The following TGFBI variants were observed in gnomAD, a reference collection of about 807,000 sequenced individuals.
The protein encoded by TGFBI is transforming growth factor-beta-induced protein ig-h3.
In TGFBI, 50 loss-of-function variants were observed where a neutral mutation model predicts 73.7. The ratio of observed to expected loss-of-function variants is 0.68; its 90% CI spans 0.54 to 0.86. The LOEUF is 0.86. Among genes scored for constraint, TGFBI ranks in the 40% least tolerant of loss-of-function variants. The probability of loss-of-function intolerance (pLI) is 0.00; values close to 1 mark genes in which losing one functional copy is unlikely to be tolerated. For missense variants in TGFBI, 839 were observed against 877.0 expected (o/e 0.96, Z 0.55); for synonymous variants, 362 against 360.5 (o/e 1.00, Z -0.05).
rs1198593795 is a variant in TGFBI, at chr5:136,053,050, T to A, written c.1057T>A (p.Ser353Thr). 2.5e-6 allele frequency: 4 copies of A among 1,614,030 alleles called. No homozygotes were observed. Among genetic ancestry groups the A allele is most frequent in the Non-Finnish European group, 1.7e-6 (2 of 1,179,902 alleles). Residue 353 changes from serine to threonine, a missense_variant, in exon 8 of 17, where the codon TCC becomes ACC. Coordinates refer to ENST00000442011, the MANE Select transcript of TGFBI (RefSeq NM_000358.3). ...CACTATCAACGGGAAGGCGATCATCTCCAATAAAGACATCCTAGCCACCAA... is the reference window on the plus strand; with the variant it reads ...CACTATCAACGGGAAGGCGATCATCACCAATAAAGACATCCTAGCCACCAA... ...MLTINGKAIISNKDILATNGV... is the reference protein window; with the variant it reads ...MLTINGKAIITNKDILATNGV...
In TGFBI at chr5:136,050,308, G is replaced by A. The variant is rs45492701; in HGVS notation, c.913+728G>A. On this transcript the variant is annotated intron_variant, in intron 7 of 16. Transcript: ENST00000442011. ...GCTTGCACCACTGCACTCCAGCCTG[G>A]GTGACACAGCGACACTCCGTCTCAA... 2.9e-3 allele frequency among the ~76,000 whole-genome samples: 431 copies of A among 150,610 alleles called. 1 individual carries two copies. Among genetic ancestry groups the A allele is most frequent in the Non-Finnish European group, 5.5e-3 (371 of 67,736 alleles).
chr5:136,053,215 C>T (rs190796449), intron 8 of TGFBI, 96 bp downstream of exon 8: 13 of 1,202,090 alleles, frequency 1.1e-5, no homozygotes, highest in African/African-American at 4.5e-5. Context: ...GATCTTTGGG[C>T]GACTTCCCTG....
intron 11 of TGFBI, 62 bp downstream of exon 11, chr5:136,055,878 GGCCCCA>G: frequency 6.6e-7 from 1 of 1,511,312 alleles, no homozygotes; most frequent in Non-Finnish European, 8.9e-7. Flanking sequence ...TGGGATGTGG[GGCCCCA>G]GCTATTTGTC....
chr5:136,029,253 C>A, intron 1 of TGFBI, 64 bp downstream of exon 1: 1 of 1,401,706 alleles, frequency 7.1e-7, no homozygotes. Context: ...GAGCGCAAGC[C>A]GCTGGGGGCA....
intron 1 of TGFBI, among the ~76,000 whole-genome samples, chr5:136,031,702 T>C (rs1049898889): frequency 2.6e-5 from 4 of 152,186 alleles, no homozygotes; most frequent in African/African-American, 9.7e-5. Context: ...CACCAAAAAC[T>C]GAACTGAATT....
intron 1 of TGFBI, among the ~76,000 whole-genome samples, chr5:136,032,863 A>G (rs1751147079): frequency 6.6e-6 from 1 of 152,166 alleles, no homozygotes; most frequent in Non-Finnish European, 1.5e-5. Flanking sequence ...TACTTGAAAA[A>G]AACATGCAAA....
rs73789485 is a variant in TGFBI at position 136,049,280 on chromosome 5, G to A, written c.772-159G>A. ...TCAGGCCCAGCAAGGCCCCCTGGGG[G>A]CCATGGTCATGGGTGAGCTTGGGTT... On this transcript the variant is annotated intron_variant, in intron 6 of 16. Transcript: ENST00000442011. 3,546 of 951,502 alleles carry A rather than the reference G, an allele frequency of 3.7e-3. 72 individuals are homozygous for A. The African/African-American group carries it at 0.05, about 13-fold the overall frequency. 58.9% of individuals were successfully genotyped at this position (951,502 alleles called of 1,614,324 possible). A position where few individuals can be genotyped will look rare whatever the true frequency, so the allele number is the denominator to read the frequency against.
chr5:136,057,934 C>A (rs868587087), intron 12 of TGFBI, among the ~76,000 whole-genome samples: 1 of 152,098 alleles, frequency 6.6e-6, no homozygotes. Context: ...GTGGCCTGAG[C>A]CAGCTTGGCT....
intron 7 of TGFBI, chr5:136,049,869 A>G (rs906635889): frequency 2.9e-6 from 1 of 342,584 alleles, no homozygotes; most frequent in Non-Finnish European, 5.5e-6. Context: ...AAACAGGGAG[A>G]GTGAAAGGCT....
chr5:136,038,436 G>T (rs548733876), intron 2 of TGFBI, among the ~76,000 whole-genome samples: 32 of 151,762 alleles, frequency 2.1e-4, no homozygotes, highest in Middle Eastern at 3.5e-3. Flanking sequence ...AGGGAGGCAG[G>T]CTGTGCCTGG....
intron 2 of TGFBI, among the ~76,000 whole-genome samples, chr5:136,041,652 A>G (rs1751341371): frequency 6.6e-6 from 1 of 152,050 alleles, no homozygotes; most frequent in Admixed American, 6.5e-5. Context: ...TTTCTTTCTG[A>G]TTCTATCCTG....
At position 136,056,582 on chromosome 5, in the gene TGFBI, T is replaced by C; in HGVS notation, c.1548-83T>C. 25 of 1,590,858 alleles carry C rather than the reference T, an allele frequency of 1.6e-5. 1 individual carries two copies. The South Asian group carries it at 2.7e-4, about 17-fold the overall frequency. ...CTACTATCCTCAGTGGTGAGGTATT[T>C]AAGGAAAATACCTCTCAGCGTGGTG... is the stretch of plus-strand genomic sequence containing the variant. On this transcript the variant is annotated intron_variant, in intron 11 of 16. Coordinates refer to ENST00000442011, the MANE Select transcript of TGFBI (RefSeq NM_000358.3).
At chr5:136,041,890 A>G (rs930766923) in intron 2 of TGFBI, among the ~76,000 whole-genome samples, 6 of 152,150 alleles carry the variant, frequency 3.9e-5, no homozygotes, top group African/African-American at 1.4e-4. Flanking sequence ...TATTTTGGGG[A>G]TGGAACTCAG....
intron 2 of TGFBI, 32 bp downstream of exon 2, chr5:136,033,893 C>T: frequency 1.9e-6 from 3 of 1,567,818 alleles, no homozygotes; most frequent in Non-Finnish European, 2.6e-6. Flanking sequence ...GGAGACCAAG[C>T]TGTATGCACG....
At chr5:136,046,524 C>G (rs1179224574) in intron 4 of TGFBI, 29 bp downstream of exon 4, 1 of 1,576,916 alleles carries the variant, frequency 6.3e-7, no homozygotes, top group African/African-American at 1.3e-5. Context: ...GCCCGGGGGA[C>G]TCTTATGGGG....
At chr5:136,049,327 G>T in intron 6 of TGFBI, 112 bp from the exon 7 acceptor site, 3 of 1,406,298 alleles carry the variant, frequency 2.1e-6, no homozygotes, top group Non-Finnish European at 2.9e-6. Context: ...TTCGTCTTGG[G>T]CTTCTGTGAA....
intron 2 of TGFBI, among the ~76,000 whole-genome samples, chr5:136,038,676 G>A (rs1039827807): frequency 2.2e-4 from 33 of 148,778 alleles, no homozygotes; most frequent in African/African-American, 5.2e-4. Flanking sequence ...AGCTGAGATC[G>A]CACCACTGCC....
At chr5:136,032,418 T>A (rs1314598933) in intron 1 of TGFBI, among the ~76,000 whole-genome samples, 1 of 152,236 alleles carries the variant, frequency 6.6e-6, no homozygotes, top group Non-Finnish European at 1.5e-5. Flanking sequence ...CCCAAAAGCC[T>A]GACTCTGAAT....
intron 15 of TGFBI, among the ~76,000 whole-genome samples, chr5:136,061,974 C>T (rs1580724210): frequency 1.3e-5 from 2 of 152,334 alleles, no homozygotes; most frequent in Non-Finnish European, 2.9e-5. Flanking sequence ...CATGGCATTG[C>T]CCATCCTGGG....
Sources: gnomAD v4.1 joint callset for allele counts (sites outside exome capture counted in the v4.1 genomes callset) on GRCh38, gnomAD v4.1.1 for gene constraint, MANE v1.5 for transcripts, NCBI Gene and HGNC (gene_info 2026-07-23, HGNC 2026-07-21) for gene names.